NTM: variants seen among roughly 807,000 people sequenced by gnomAD.
NTM encodes neurotrimin.
Under a neutral mutation model 42.1 loss-of-function variants are expected in NTM, and 13 were observed. That is an observed-to-expected ratio of 0.31 (90% CI 0.20 to 0.49). The LOEUF (loss-of-function observed/expected upper bound fraction) is 0.49, where lower values mean the gene tolerates loss of function less well. Ranked by LOEUF, NTM falls within the 20% of genes least tolerant of loss-of-function variation. The pLI, the probability that NTM is intolerant of heterozygous loss-of-function variation, is 0.99. For missense variants in NTM, 373 were observed against 452.8 expected, an observed-to-expected ratio of 0.82 and a Z score of 1.60; for synonymous variants, 187 against 179.2, an observed-to-expected ratio of 1.04 and a Z score of -0.35.
chr11:131,764,704 A>G (rs2084832881), intron 1 of NTM, among the ~76,000 whole-genome samples: 1 of 152,220 alleles, frequency 6.6e-6, no homozygotes, highest in Non-Finnish European at 1.5e-5. Flanking sequence ...ATGGGGTATA[A>G]TTGATGCCTG....
intron 3 of NTM, among the ~76,000 whole-genome samples, chr11:132,148,893 T>A (rs1356525027): frequency 3.9e-5 from 6 of 152,194 alleles, no homozygotes; most frequent in Non-Finnish European, 2.9e-5. Context: ...AATCCCTTGC[T>A]AGGTGTTTAC....
At chr11:132,123,428 C>T (rs566919034) in intron 2 of NTM, among the ~76,000 whole-genome samples, 1 of 152,172 alleles carries the variant, frequency 6.6e-6, no homozygotes, top group Non-Finnish European at 1.5e-5. Flanking sequence ...GGAAGCCTCA[C>T]TAGGAGACCA....
At chr11:131,978,919 G>T (rs1038502781) in intron 2 of NTM, among the ~76,000 whole-genome samples, 3 of 152,056 alleles carry the variant, frequency 2.0e-5, no homozygotes, top group African/African-American at 7.2e-5. Flanking sequence ...ACATTCTGTG[G>T]CAGATAAGTC....
intron 1 of NTM, among the ~76,000 whole-genome samples, chr11:131,872,963 A>C (rs1405544501): frequency 6.6e-6 from 1 of 152,118 alleles, no homozygotes; most frequent in Non-Finnish European, 1.5e-5. Flanking sequence ...TCCCACCAAC[A>C]ATGTAAAAAC....
chr11:132,139,592 G>C (rs564574161), intron 2 of NTM, among the ~76,000 whole-genome samples: 2 of 152,184 alleles, frequency 1.3e-5, no homozygotes, highest in Non-Finnish European at 2.9e-5. Context: ...CAGAGCAAAG[G>C]CTTCTTGATT....
At chr11:131,905,842 C>T (rs2053785176) in intron 1 of NTM, among the ~76,000 whole-genome samples, 3 of 152,146 alleles carry the variant, frequency 2.0e-5, no homozygotes, top group Admixed American at 2.0e-4. Flanking sequence ...CACCCCACCC[C>T]TCCTAATACC....
chr11:131,842,262 C>T (rs1361705613), intron 1 of NTM, among the ~76,000 whole-genome samples: 4 of 152,106 alleles, frequency 2.6e-5, no homozygotes, highest in Non-Finnish European at 5.9e-5. Flanking sequence ...ACATATGAGT[C>T]CATGAGAAGG....
intron 4 of NTM, among the ~76,000 whole-genome samples, chr11:132,295,268 A>C (rs2094573782): frequency 6.6e-6 from 1 of 151,390 alleles, no homozygotes; most frequent in South Asian, 2.1e-4. Flanking sequence ...TGATATAACG[A>C]TATCATAATG....
At chr11:132,170,003 C>G (rs762284463) in intron 3 of NTM, among the ~76,000 whole-genome samples, 2 of 152,152 alleles carry the variant, frequency 1.3e-5, no homozygotes, top group Admixed American at 6.5e-5. Context: ...TTGATTCGCT[C>G]TTCACTCTGG....
chr11:131,428,673 T>C (rs1214462546), intron 1 of NTM, among the ~76,000 whole-genome samples: 2 of 152,120 alleles, frequency 1.3e-5, no homozygotes, highest in African/African-American at 2.4e-5. Flanking sequence ...TTTCAACCTC[T>C]TAGCACAATT....
intron 1 of NTM, among the ~76,000 whole-genome samples, chr11:131,681,444 T>TATATCTCC (rs2072824290): frequency 1.4e-3 from 9 of 6,578 alleles, no homozygotes; most frequent in African/African-American, 4.8e-3. Flanking sequence ...TGTCTGTATG[T>TATATCTCC]CTGTGTGTGT....
intron 1 of NTM, among the ~76,000 whole-genome samples, chr11:131,395,322 T>G (rs1471556892): frequency 6.6e-6 from 1 of 152,230 alleles, no homozygotes; most frequent in Non-Finnish European, 1.5e-5. Context: ...AATATTGCTT[T>G]TATAGCTTTT....
In NTM at chr11:132,003,037, A is replaced by G. The variant is rs2069698740; in HGVS notation, c.167+91389A>G. On this transcript the variant is annotated intron_variant, in intron 2 of 8. Coordinates refer to ENST00000683400, the MANE Select transcript of NTM (RefSeq NM_001352005.2). The surrounding 1 kb of genome is among the most constrained non-coding windows in gnomAD (Gnocchi z 6.0). ...GATTTCTGGCTTAGAAGTTAGGGTT[A>G]GGAAAGTAACTAGTGAGCGCACTAA... Among the ~76,000 whole-genome samples, 1 of 152,170 alleles carries G rather than the reference A, an allele frequency of 6.6e-6. No homozygotes were observed. The highest frequency in any genetic ancestry group is 2.1e-4 in the South Asian group (1 of 4,834).
At chr11:131,555,962 T>C (rs941422225) in intron 1 of NTM, among the ~76,000 whole-genome samples, 2 of 152,128 alleles carry the variant, frequency 1.3e-5, no homozygotes, top group African/African-American at 4.8e-5. Flanking sequence ...GCTGCCCTTG[T>C]TTATGACCGA....
chr11:132,140,157 T>C (rs1167161717), intron 2 of NTM, among the ~76,000 whole-genome samples: 1 of 152,196 alleles, frequency 6.6e-6, no homozygotes, highest in Non-Finnish European at 1.5e-5. Flanking sequence ...CTCTGAGGCC[T>C]GAGGGGCATC....
At chr11:131,573,841 G>C (rs940565564) in intron 1 of NTM, among the ~76,000 whole-genome samples, 2 of 152,080 alleles carry the variant, frequency 1.3e-5, no homozygotes, top group Non-Finnish European at 2.9e-5. Flanking sequence ...AAATGTGCCT[G>C]TCCCCACATG....
intron 1 of NTM, among the ~76,000 whole-genome samples, chr11:131,776,632 G>A (rs2087031364): frequency 6.6e-6 from 1 of 151,936 alleles, no homozygotes; most frequent in African/African-American, 2.4e-5. Flanking sequence ...TTCTGTATTG[G>A]TTAGGGTAAC....
chr11:132,265,191 G>T (rs538540325), intron 4 of NTM, among the ~76,000 whole-genome samples: 1 of 152,080 alleles, frequency 6.6e-6, no homozygotes, highest in African/African-American at 2.4e-5. Flanking sequence ...TTGTATGGTG[G>T]TTCTGTGAAT....
chr11:131,652,194 T>G (rs574050459), intron 1 of NTM, among the ~76,000 whole-genome samples: 1 of 152,290 alleles, frequency 6.6e-6, no homozygotes, highest in East Asian at 1.9e-4. Flanking sequence ...AAGGCTTCTG[T>G]GAGGATCAAA....
Sources: gnomAD v4.1 joint callset for allele counts (sites outside exome capture counted in the v4.1 genomes callset) on GRCh38, gnomAD v4.1.1 for gene constraint, Gnocchi (gnomAD v3.1) non-coding constraint, MANE v1.5 for transcripts, NCBI Gene and HGNC (gene_info 2026-07-23, HGNC 2026-07-21) for gene names.